The following KMT2B variants were observed in gnomAD, a reference collection of about 807,000 sequenced individuals.
KMT2B encodes the protein histone-lysine N-methyltransferase 2B.
A neutral mutation model predicts 255.3 loss-of-function variants in KMT2B; 22 were observed. That is an observed-to-expected ratio of 0.09 (90% CI 0.06 to 0.12). The LOEUF is 0.12. Among genes scored for constraint, KMT2B ranks in the 10% least tolerant of loss-of-function variants. The pLI is 1.00. For missense variants in KMT2B, 3,149 were observed against 3,737.0 expected, an observed-to-expected ratio of 0.84 and a Z score of 4.10; for synonymous variants, 1,730 against 1,498.1, an observed-to-expected ratio of 1.15 and a Z score of -3.57.
At position 35,723,657 on chromosome 19, in the gene KMT2B, T is replaced by C; in HGVS notation, c.3059-75T>C. 2 of 1,388,926 alleles carry C rather than the reference T, an allele frequency of 1.4e-6. No homozygotes were observed. The highest frequency in any genetic ancestry group is 1.9e-6 in the Non-Finnish European group (2 of 1,027,190). 86.0% of individuals were successfully genotyped at this position (1,388,926 alleles called of 1,614,324 possible). ...CTCCTGCGTTCATTCCCTGCCCCGC[T>C]TCTTTCTGGCTTCTCTCCCAGTGTC... On this transcript the variant is annotated intron_variant, in intron 7 of 36. Coordinates refer to ENST00000420124, the MANE Select transcript of KMT2B (RefSeq NM_014727.3). This position sits in a 1 kb window ranked among gnomAD's most constrained non-coding sequence, Gnocchi z 7.5.
At position 35,718,501 on chromosome 19, in the gene KMT2B, G is replaced by C; in HGVS notation, c.363+120G>C. On this transcript the variant is annotated intron_variant, in intron 1 of 36. Coordinates refer to ENST00000420124, the MANE Select transcript of KMT2B (RefSeq NM_014727.3). This position sits in a 1 kb window ranked among gnomAD's most constrained non-coding sequence, Gnocchi z 5.0. ...GTCCTCAGGGTTCCTTCGGAGAGAC[G>C]GGGCACGGAGGGAGGGCGGCTGCAT... The C allele has an allele frequency of 9.0e-7, 1 of 1,106,516 alleles. No individual in the cohort carries two copies. Among genetic ancestry groups the C allele is most frequent in the South Asian group, 4.6e-5 (1 of 21,792 alleles). The allele number at this position is 1,106,516 out of a possible 1,614,324, so 68.5% of individuals were successfully genotyped here. A position where few individuals can be genotyped will look rare whatever the true frequency, so the allele number is the denominator to read the frequency against.
At position 35,723,539 on chromosome 19, in the gene KMT2B, T is replaced by C. The variant is rs1201559270; in HGVS notation, c.3058+37T>C. On this transcript the variant is annotated intron_variant, in intron 7 of 36. Coordinates refer to ENST00000420124, the MANE Select transcript of KMT2B (RefSeq NM_014727.3). This position sits in a 1 kb window ranked among gnomAD's most constrained non-coding sequence, Gnocchi z 7.5. ...TAAGGAGCATTTCTTCTCAAAACCG[T>C]GTTAGAGTTTGTGCTGTGGAGGGAG... 3 of 1,535,620 alleles carry C rather than the reference T, an allele frequency of 2.0e-6. No individual in the cohort carries two copies. Among genetic ancestry groups the C allele is most frequent in the Non-Finnish European group, 1.8e-6 (2 of 1,135,468 alleles).
Position 35,733,303 on chromosome 19 carries a change from G to GGGC in KMT2B, c.6754_6755insGGC (p.Ala2252delinsGlyPro). The GGGC allele has an allele frequency of 9.7e-6, 13 of 1,340,072 alleles. No homozygotes were observed. The highest frequency in any genetic ancestry group is 1.4e-5 in the Non-Finnish European group (13 of 961,238). The allele number at this position is 1,340,072 out of a possible 1,614,324, so 83.0% of individuals were successfully genotyped here. A position where few individuals can be genotyped will look rare whatever the true frequency, so the allele number is the denominator to read the frequency against. ...GCCCGTGGTCGGAGTGGTCCGCCCTGCCCCGCCCCCGCCACCCCCTCCCCT... is the reference window on the plus strand; with the variant it reads ...GCCCGTGGTCGGAGTGGTCCGCCCTGGGCCCCCGCCCCCGCCACCCCCTCCCCT... On this transcript the variant is annotated protein_altering_variant, in exon 28 of 37. Coordinates refer to ENST00000420124, the MANE Select transcript of KMT2B (RefSeq NM_014727.3). This position sits in a 1 kb window ranked among gnomAD's most constrained non-coding sequence, Gnocchi z 4.3.
intron 8 of KMT2B, 55 bp from the exon 9 acceptor site, chr19:35,724,582 G>T: frequency 1.4e-6 from 2 of 1,413,504 alleles, no homozygotes; most frequent in South Asian, 2.5e-5. Flanking sequence ...TGGGGTTGTA[G>T]AAGAAGAGGG....
chr19:35,738,692 C>A lies in KMT2B; in HGVS notation c.*135C>A. ...CATGTTCAGGGTGGATGTGGGCATG[C>A]AGGTGACAAGGGCCCTGCCTCCACC... On this transcript the variant is annotated 3_prime_UTR_variant, in exon 37 of 37. Transcript: ENST00000420124. The surrounding 1 kb of genome is among the most constrained non-coding windows in gnomAD (Gnocchi z 8.7). 1.9e-6 allele frequency: 2 copies of A among 1,031,762 alleles called. No homozygotes were observed. Among genetic ancestry groups the A allele is most frequent in the Non-Finnish European group, 2.8e-6 (2 of 725,048 alleles). The allele number at this position is 1,031,762 out of a possible 1,614,324, so 63.9% of individuals were successfully genotyped here.
rs1970001147 is a variant in KMT2B at position 35,738,263 on chromosome 19, C to G, written c.7873-19C>G. 1 of 1,613,134 alleles carries G rather than the reference C, an allele frequency of 6.2e-7. No individual in the cohort carries two copies. The highest frequency in any genetic ancestry group is 1.1e-5 in the South Asian group (1 of 91,042). Reference sequence around the variant, plus strand: ...TCCGCGGGGACAGAGCACCTGATCTCCCCACCTCATCCCTGCAGGGCATCG... The same window carrying G: ...TCCGCGGGGACAGAGCACCTGATCTGCCCACCTCATCCCTGCAGGGCATCG... On this transcript the variant is annotated intron_variant, in intron 36 of 36. Transcript: ENST00000420124. The surrounding 1 kb of genome is among the most constrained non-coding windows in gnomAD (Gnocchi z 8.7).
chr19:35,721,516 G>C lies in KMT2B; in HGVS notation c.2169G>C (p.Gly723=). 3.1e-6 allele frequency: 5 copies of C among 1,611,958 alleles called. No homozygotes were observed. The highest frequency in any genetic ancestry group is 4.2e-6 in the Non-Finnish European group (5 of 1,179,856). ...TTAAGGCCGAGGTGTCCCCTCACGG[G>C]GCTCCAGCTCTGAGCAACGGGCCAC... is the stretch of plus-strand genomic sequence containing the variant. The part of the protein sequence containing the change: ...TPVKAEVSPH[G]APALSNGPQT... The change falls in exon 3 of 37, where the codon GGG becomes GGC. Residue 723 remains glycine (G), a synonymous_variant. Coordinates refer to ENST00000420124, the MANE Select transcript of KMT2B (RefSeq NM_014727.3).
At position 35,723,684 on chromosome 19, in the gene KMT2B, C is replaced by T; in HGVS notation, c.3059-48C>T. ...CTTTCTGGCTTCTCTCCCAGTGTCC[C>T]ATGTCCCTGGCTGAGCTCAAATCCT... On this transcript the variant is annotated intron_variant, in intron 7 of 36. Coordinates refer to ENST00000420124, the MANE Select transcript of KMT2B (RefSeq NM_014727.3). The surrounding 1 kb of genome is among the most constrained non-coding windows in gnomAD (Gnocchi z 7.5). The T allele has an allele frequency of 1.4e-6, 2 of 1,476,086 alleles. No individual in the cohort carries two copies. Among genetic ancestry groups the T allele is most frequent in the African/African-American group, 1.4e-5 (1 of 71,002 alleles). The allele number at this position is 1,476,086 out of a possible 1,614,324, so 91.4% of individuals were successfully genotyped here. A position where few individuals can be genotyped will look rare whatever the true frequency, so the allele number is the denominator to read the frequency against.
rs1165953081 is a variant in KMT2B, at chr19:35,732,859, C to T, written c.6310C>T (p.Arg2104Trp). 1.2e-6 allele frequency: 2 copies of T among 1,609,508 alleles called. No homozygotes were observed. Among genetic ancestry groups the T allele is most frequent in the East Asian group, 2.2e-5 (1 of 44,742 alleles). ...CCTTGGGGCTGCAGGGGACAGGGCC[C>T]GGCCTCCTGAGGACCTGCCATCGGA... ...GVLGAAGDRA[R>W]PPEDLPSEIV... is the part of the protein sequence containing the mutation. Residue 2104 changes from arginine (R) to tryptophan (W), a missense_variant, in exon 28 of 37, where the codon CGG becomes TGG. By Grantham distance (101) the Arg-to-Trp change is moderately radical (BLOSUM62 -3). This residue lies in a region of KMT2B where 897 missense variants were observed against 825.3 expected (regional missense o/e 1.09). Coordinates refer to ENST00000420124, the MANE Select transcript of KMT2B (RefSeq NM_014727.3).
rs775527468 is a variant in KMT2B at position 35,732,319 on chromosome 19, C to T, written c.5770C>T (p.Pro1924Ser). The T allele has an allele frequency of 6.2e-7, 1 of 1,611,452 alleles. No individual in the cohort carries two copies. Among genetic ancestry groups the T allele is most frequent in the South Asian group, 1.1e-5 (1 of 90,452 alleles). Reference protein sequence around the residue: ...RRPSPLAPRPPPSRWASPPLK... With the variant: ...RRPSPLAPRPSPSRWASPPLK... Reference sequence around the variant, plus strand: ...TCCCAGCCCTTTGGCTCCCAGGCCGCCTCCATCACGGTGGGCCTCCCCTCC... The same window carrying T: ...TCCCAGCCCTTTGGCTCCCAGGCCGTCTCCATCACGGTGGGCCTCCCCTCC... The change falls in exon 28 of 37, where the codon CCT becomes TCT. Residue 1924 changes from proline to serine, a missense_variant. Physicochemically the swap from Pro to Ser is moderately conservative, Grantham distance 74. Around this residue, in one of 18 missense-constraint regions of KMT2B, gnomAD observed 897 missense variants for 825.3 expected, o/e 1.09. Coordinates refer to ENST00000420124, the MANE Select transcript of KMT2B (RefSeq NM_014727.3).
In KMT2B at chr19:35,737,613, C is replaced by T. The variant is rs1439421312; in HGVS notation, c.7551-23C>T. ...GCTCTGTCTTCAACAGTATATTCCT[C>T]CTTCCCCTGCTGCCACCTGCAGGAA... On this transcript the variant is annotated intron_variant, in intron 33 of 36. Coordinates refer to ENST00000420124, the MANE Select transcript of KMT2B (RefSeq NM_014727.3). The surrounding 1 kb of genome is among the most constrained non-coding windows in gnomAD (Gnocchi z 5.3). 8.7e-6 allele frequency: 13 copies of T among 1,494,034 alleles called. No individual in the cohort carries two copies. The highest frequency in any genetic ancestry group is 1.2e-5 in the Non-Finnish European group (13 of 1,096,280). The allele number at this position is 1,494,034 out of a possible 1,614,324, so 92.5% of individuals were successfully genotyped here.
At chr19:35,726,418 G>A (rs1448584520) in intron 14 of KMT2B, 65 bp downstream of exon 14, 3 of 1,068,466 alleles carry the variant, frequency 2.8e-6, no homozygotes, top group African/African-American at 3.1e-5. Context: ...TCTTTTACAG[G>A]CTTTAGCACA....
Position 35,725,345 on chromosome 19 carries a change from GC to G in KMT2B, c.3642+14del. On this transcript the variant is annotated intron_variant, in intron 11 of 36. Transcript: ENST00000420124. This position sits in a 1 kb window ranked among gnomAD's most constrained non-coding sequence, Gnocchi z 4.1. ...AAGGACTCCACGAGGTTAGATCTCT[GC>G]CTTTCTTCACAGACCCCCAGCTCTC... 6.4e-7 allele frequency: 1 copy of G among 1,557,922 alleles called. No individual in the cohort carries two copies. The highest frequency in any genetic ancestry group is 8.7e-7 in the Non-Finnish European group (1 of 1,152,376).
chr19:35,731,275 C>G (rs1243763988), intron 26 of KMT2B, among the ~76,000 whole-genome samples: 1 of 152,216 alleles, frequency 6.6e-6, no homozygotes, highest in Non-Finnish European at 1.5e-5. Flanking sequence ...CCAAACCGGC[C>G]CCCTTACAGC....
chr19:35,719,873 A>G lies in KMT2B; in HGVS notation c.526A>G (p.Thr176Ala), dbSNP rs1969111953. 1.2e-6 allele frequency: 2 copies of G among 1,611,896 alleles called. No homozygotes were observed. Among genetic ancestry groups the G allele is most frequent in the Admixed American group, 1.7e-5 (1 of 59,878 alleles). The stretch of plus-strand genomic sequence containing the variant: ...AGATGTGGCTCCTACCCCCCCAAAG[A>G]CCCCTGCCCGGAAACGGGGTGAGGA... ...LADVAPTPPK[T>A]PARKRGEEGT... The change falls in exon 3 of 37, where the codon ACC becomes GCC. Residue 176 changes from threonine (T) to alanine (A), a missense_variant. Thr to Ala is a moderately conservative substitution (Grantham distance 58, BLOSUM62 0). This residue lies in a region of KMT2B where 1,188 missense variants were observed against 1,106.4 expected (regional missense o/e 1.07). Transcript: ENST00000420124.
intron 9 of KMT2B, 28 bp from the exon 10 acceptor site, chr19:35,724,961 T>A: frequency 6.6e-7 from 1 of 1,513,988 alleles, no homozygotes; most frequent in South Asian, 1.1e-5. Context: ...GGCTGGCAGC[T>A]CTGAATTCCC....
rs1397456966 is a variant in KMT2B at position 35,727,005 on chromosome 19, GCCTCAT to G, written c.4004-145_4004-140del. 2 of 271,730 alleles carry G rather than the reference GCCTCAT, an allele frequency of 7.4e-6. No individual in the cohort carries two copies. The highest frequency in any genetic ancestry group is 6.9e-5 in the East Asian group (1 of 14,594). 16.8% of individuals were successfully genotyped at this position (271,730 alleles called of 1,614,324 possible). ...TCTCAAAAAAAAAAAAAAAAAAAAAGCCTCATCCTCAAGGAGCTTTTAGGGACTAGT... is the reference window on the plus strand; with the variant it reads ...TCTCAAAAAAAAAAAAAAAAAAAAAGCCTCAAGGAGCTTTTAGGGACTAGT... On this transcript the variant is annotated intron_variant, in intron 14 of 36. Coordinates refer to ENST00000420124, the MANE Select transcript of KMT2B (RefSeq NM_014727.3). This position sits in a 1 kb window ranked among gnomAD's most constrained non-coding sequence, Gnocchi z 4.2.
At position 35,723,984 on chromosome 19, in the gene KMT2B, G is replaced by A. The variant is rs778421841; in HGVS notation, c.3311G>A (p.Arg1104Gln). 8.1e-6 allele frequency: 13 copies of A among 1,596,442 alleles called. No homozygotes were observed. Among genetic ancestry groups the A allele is most frequent in the African/African-American group, 5.4e-5 (4 of 73,930 alleles). Residue 1104 changes from arginine (R) to glutamine (Q), a missense_variant, in exon 8 of 37, where the codon CGG becomes CAG. Around this residue, in one of 18 missense-constraint regions of KMT2B, gnomAD observed 136 missense variants for 137.3 expected, o/e 0.99. Coordinates refer to ENST00000420124, the MANE Select transcript of KMT2B (RefSeq NM_014727.3). The surrounding 1 kb of genome is among the most constrained non-coding windows in gnomAD (Gnocchi z 7.5). ...DSEPGGPPAPRRRTPRENELP... is the reference protein window; with the variant it reads ...DSEPGGPPAPQRRTPRENELP... ...GAGCCCGGGGGCCCCCCTGCTCCTCGGCGTCGGACCCCCCGAGAAAATGGT... is the reference window on the plus strand; with the variant it reads ...GAGCCCGGGGGCCCCCCTGCTCCTCAGCGTCGGACCCCCCGAGAAAATGGT...
In KMT2B at chr19:35,725,790, C is replaced by T. The variant is rs755810165; in HGVS notation, c.3857C>T (p.Thr1286Ile). Residue 1286 changes from threonine to isoleucine, a missense_variant, in exon 13 of 37, where the codon ACC becomes ATC. By Grantham distance (89) the Thr-to-Ile change is moderately conservative (BLOSUM62 -1). This residue lies in a region of KMT2B where 377 missense variants were observed against 471.0 expected (regional missense o/e 0.80). Coordinates refer to ENST00000420124, the MANE Select transcript of KMT2B (RefSeq NM_014727.3). The surrounding 1 kb of genome is among the most constrained non-coding windows in gnomAD (Gnocchi z 4.1). ...GCCTGTCTGGGGCCCAGCTATCCAACCCGGGCCACGCGCAAACGGCGCCAC... is the reference window on the plus strand; with the variant it reads ...GCCTGTCTGGGGCCCAGCTATCCAATCCGGGCCACGCGCAAACGGCGCCAC... ...HPACLGPSYP[T>I]RATRKRRHWI... 7.5e-5 allele frequency: 119 copies of T among 1,592,424 alleles called. No homozygotes were observed. Among genetic ancestry groups the T allele is most frequent in the Non-Finnish European group, 9.5e-5 (111 of 1,170,156 alleles).
Sources: allele counts gnomAD v4.1 joint callset (sites outside exome capture counted in the v4.1 genomes callset), GRCh38; gene constraint gnomAD v4.1.1; regional missense constraint gnomAD v4.1.1; non-coding constraint Gnocchi (gnomAD v3.1); transcripts MANE v1.5; gene names NCBI Gene and HGNC (gene_info 2026-07-23, HGNC 2026-07-21).